The following ERI3 variants were observed in gnomAD, a reference collection of about 807,000 sequenced individuals.
ERI3 encodes the protein ERI1 exoribonuclease family member 3, also known as ERI1 exoribonuclease 3.
Under a neutral mutation model 44.4 loss-of-function variants are expected in ERI3, and 18 were observed. That is an observed-to-expected ratio of 0.41 (90% CI 0.28 to 0.60). The LOEUF (loss-of-function observed/expected upper bound fraction) is 0.60. Among genes scored for constraint, ERI3 ranks in the 20% least tolerant of loss-of-function variants. The pLI, the probability that ERI3 is intolerant of heterozygous loss-of-function variation, is 0.36. For synonymous variants in ERI3, 183 were observed against 164.8 expected (o/e 1.11, Z -0.84); for missense variants, 294 against 435.5 (o/e 0.68, Z 2.89).
intron 6 of ERI3, among the ~76,000 whole-genome samples, chr1:44,298,524 T>C (rs1645656668): frequency 2.0e-5 from 3 of 152,196 alleles, no homozygotes; most frequent in Non-Finnish European, 4.4e-5. Context: ...AAATGTAGTA[T>C]AATACAATGG....
intron 3 of ERI3, among the ~76,000 whole-genome samples, chr1:44,337,496 T>C (rs1232313704): frequency 3.3e-5 from 5 of 152,132 alleles, no homozygotes; most frequent in Admixed American, 6.5e-5. Flanking sequence ...AAGACTACAG[T>C]ATAGGCAGGA....
At chr1:44,330,782 C>T (rs1007235748) in intron 3 of ERI3, among the ~76,000 whole-genome samples, 3 of 151,948 alleles carry the variant, frequency 2.0e-5, no homozygotes, top group African/African-American at 7.3e-5. Context: ...TCGTGAACAC[C>T]CAGGATAAGA....
At chr1:44,320,444 C>T (rs1572271300) in intron 3 of ERI3, among the ~76,000 whole-genome samples, 1 of 152,188 alleles carries the variant, frequency 6.6e-6, no homozygotes, top group East Asian at 1.9e-4. Context: ...AATTTGTCTC[C>T]GCTATTTAAT....
intron 8 of ERI3, among the ~76,000 whole-genome samples, chr1:44,223,366 G>A (rs777415756): frequency 3.9e-5 from 6 of 152,072 alleles, no homozygotes; most frequent in Non-Finnish European, 8.8e-5. Context: ...GAAGGGGAAT[G>A]GGACCGGAAG....
intron 7 of ERI3, among the ~76,000 whole-genome samples, chr1:44,281,876 ATATGTGTGTGTG>A (rs1447494903): frequency 1.9e-3 from 184 of 96,862 alleles, no homozygotes; most frequent in Non-Finnish European, 2.9e-3. Flanking sequence ...ATACATGTGC[ATATGTGTGTGTG>A]TGTGTGTGTG....
chr1:44,232,495 C>CT (rs1169529504), intron 8 of ERI3, among the ~76,000 whole-genome samples: 4 of 152,176 alleles, frequency 2.6e-5, no homozygotes, highest in Non-Finnish European at 5.9e-5. Flanking sequence ...TATAAGTTGA[C>CT]TAAACACCCC....
chr1:44,221,564 C>T lies in ERI3; in HGVS notation c.1008G>A (p.Pro336=), dbSNP rs144731998. The stretch of plus-strand genomic sequence containing the variant: ...CCATCCTGTCCTCGGCCAATCAGAA[C>T]GGCTTCGATGTCTGCTTGAAGATGA... The part of the protein sequence containing the change: ...RGFIFKQTSK[P]F The change falls in exon 9 of 9, where the codon CCG becomes CCA. Residue 336 remains proline, a synonymous_variant. Transcript: ENST00000372257. The surrounding 1 kb of genome is among the most constrained non-coding windows in gnomAD (Gnocchi z 5.9). 5.1e-4 allele frequency: 826 copies of T among 1,613,904 alleles called. 2 individuals are homozygous for T. In the African/African-American group the frequency reaches 8.5e-3, roughly 17 times the overall value.
At chr1:44,326,267 T>C (rs760308507) in intron 3 of ERI3, among the ~76,000 whole-genome samples, 1 of 152,142 alleles carries the variant, frequency 6.6e-6, no homozygotes, top group Admixed American at 6.5e-5. Flanking sequence ...ATATTTAGTT[T>C]TGGATAAAAG....
intron 7 of ERI3, among the ~76,000 whole-genome samples, chr1:44,250,635 C>A (rs979315163): frequency 6.6e-6 from 1 of 152,066 alleles, no homozygotes; most frequent in Non-Finnish European, 1.5e-5. Context: ...GTCTCCACTG[C>A]GGCCGTGGGT....
chr1:44,308,224 C>T lies in ERI3; in HGVS notation c.758+86G>A. 10 of 944,172 alleles carry T rather than the reference C, an allele frequency of 1.1e-5. No homozygotes were observed. The Middle Eastern group carries it at 1.3e-3, about 121-fold the overall frequency. The allele number at this position is 944,172 out of a possible 1,614,324, so 58.5% of individuals were successfully genotyped here. A position where few individuals can be genotyped will look rare whatever the true frequency, so the allele number is the denominator to read the frequency against. On this transcript the variant is annotated intron_variant, in intron 6 of 8. Coordinates refer to ENST00000372257, the MANE Select transcript of ERI3 (RefSeq NM_024066.3). ...CCTGAAGAATCCCTGATCCAGCTGCCTTGTAGACATTTAAGCCTCCAAAAG... is the reference window on the plus strand; with the variant it reads ...CCTGAAGAATCCCTGATCCAGCTGCTTTGTAGACATTTAAGCCTCCAAAAG...
chr1:44,288,775 C>T (rs563083699), intron 6 of ERI3, among the ~76,000 whole-genome samples: 14 of 152,216 alleles, frequency 9.2e-5, no homozygotes, highest in Non-Finnish European at 1.5e-4. Context: ...CAAGGTCACA[C>T]CTGGGTTCAA....
At chr1:44,288,734 T>C (rs1412331251) in intron 6 of ERI3, among the ~76,000 whole-genome samples, 1 of 152,044 alleles carries the variant, frequency 6.6e-6, no homozygotes, top group Non-Finnish European at 1.5e-5. Flanking sequence ...GCCTGGGCCT[T>C]AGAGAAGCAA....
intron 8 of ERI3, among the ~76,000 whole-genome samples, chr1:44,238,327 C>A (rs542236961): frequency 6.6e-5 from 10 of 152,190 alleles, no homozygotes; most frequent in South Asian, 4.2e-4. Flanking sequence ...GGGGCTCCCC[C>A]CTGCGGCAGC....
At chr1:44,259,916 T>C (rs149761287) in intron 7 of ERI3, among the ~76,000 whole-genome samples, 6,357 of 140,740 alleles carry the variant, frequency 0.045, 471 homozygotes, top group African/African-American at 0.17. Context: ...GATAGATAGA[T>C]AGATAGACAG....
rs2154331225 is a variant in ERI3 at position 44,339,226 on chromosome 1, C to T, written c.308G>A (p.Gly103Asp). The change falls in exon 3 of 9, where the codon GGC (glycine) becomes GAC (aspartate). Residue 103 changes from glycine (G) to aspartate (D), a missense_variant. Gly to Asp is a moderately conservative substitution (Grantham distance 94). Transcript: ENST00000372257. ...YLLSRARKVL[G>D]SHLFSPCGVP... ...ACCACAGGGAGAAAATAAGTGGGAGCCCAGCACTTTTCTTGCTCTTGAAAG... is the reference window on the plus strand; with the variant it reads ...ACCACAGGGAGAAAATAAGTGGGAGTCCAGCACTTTTCTTGCTCTTGAAAG... 1 of 1,613,830 alleles carries T rather than the reference C, an allele frequency of 6.2e-7. No homozygotes were observed. Among genetic ancestry groups the T allele is most frequent in the Non-Finnish European group, 8.5e-7 (1 of 1,179,980 alleles).
At chr1:44,342,495 C>T (rs1646674665) in intron 2 of ERI3, among the ~76,000 whole-genome samples, 1 of 151,972 alleles carries the variant, frequency 6.6e-6, no homozygotes, top group African/African-American at 2.4e-5. Flanking sequence ...AATGTGAACT[C>T]ATGGTTTCTG....
chr1:44,330,255 G>A (rs1193554846), intron 3 of ERI3, among the ~76,000 whole-genome samples: 2 of 152,112 alleles, frequency 1.3e-5, no homozygotes, highest in African/African-American at 4.8e-5. Context: ...CCAAATAAGT[G>A]CCTCTGCCAG....
chr1:44,310,968 C>T (rs1417651683), intron 5 of ERI3, among the ~76,000 whole-genome samples: 1 of 24,680 alleles, frequency 4.1e-5, no homozygotes, highest in East Asian at 5.9e-4. Flanking sequence ...CGCGCGCACA[C>T]ACACACACAC....
At chr1:44,248,849 G>A (rs571997419) in intron 7 of ERI3, among the ~76,000 whole-genome samples, 67 of 152,070 alleles carry the variant, frequency 4.4e-4, no homozygotes, top group Non-Finnish European at 7.5e-4. Context: ...TGGGGGCATC[G>A]ATCTGCTCAG....
Sources: gnomAD v4.1 joint callset for allele counts (sites outside exome capture counted in the v4.1 genomes callset) on GRCh38, gnomAD v4.1.1 for gene constraint, Gnocchi (gnomAD v3.1) non-coding constraint, MANE v1.5 for transcripts, NCBI Gene and HGNC (gene_info 2026-07-23, HGNC 2026-07-21) for gene names.